SIPA1L3: variants seen among roughly 807,000 people sequenced by gnomAD.
SIPA1L3 encodes signal-induced proliferation-associated 1-like protein 3.
Under a neutral mutation model 150.1 loss-of-function variants are expected in SIPA1L3, and 59 were observed. The observed-to-expected ratio is 0.39, with a 90% CI of 0.32 to 0.49. The LOEUF is 0.49. SIPA1L3 is among the 20% of genes least tolerant of loss of function. SIPA1L3 has a pLI of 0.86. For missense variants in SIPA1L3, 2,211 were observed against 2,489.5 expected, an observed-to-expected ratio of 0.89 and a Z score of 2.38; for synonymous variants, 1,070 against 1,077.6, an observed-to-expected ratio of 0.99 and a Z score of 0.14.
intron 1 of SIPA1L3, among the ~76,000 whole-genome samples, chr19:37,982,540 A>G (rs1293944722): frequency 6.6e-6 from 1 of 152,198 alleles, no homozygotes. Flanking sequence ...TAGGTCCATT[A>G]CAGACATGGA....
chr19:38,117,597 C>G (rs1970915883), intron 8 of SIPA1L3, among the ~76,000 whole-genome samples: 1 of 150,672 alleles, frequency 6.6e-6, no homozygotes, highest in African/African-American at 2.5e-5. Context: ...CCAGCCTGAG[C>G]TACAGAGTGA....
intron 1 of SIPA1L3, among the ~76,000 whole-genome samples, chr19:37,953,908 C>G (rs2145558744): frequency 6.6e-6 from 1 of 152,146 alleles, no homozygotes; most frequent in East Asian, 1.9e-4. Flanking sequence ...AACATTTTTG[C>G]TTGCATCCTC....
intron 5 of SIPA1L3, 59 bp downstream of exon 5, chr19:38,100,209 T>TG: frequency 7.7e-7 from 1 of 1,303,806 alleles, no homozygotes; most frequent in Non-Finnish European, 1.0e-6. Flanking sequence ...ACCCCACTCC[T>TG]GGTAGCTTTT....
chr19:38,186,772 CCT>C (rs1276584847), intron 16 of SIPA1L3, among the ~76,000 whole-genome samples: 90 of 150,780 alleles, frequency 6.0e-4, no homozygotes, highest in African/African-American at 2.1e-3. Context: ...AGGTGGATCA[CCT>C]GAGGTCAGGA....
At chr19:37,974,296 G>A (rs1035422592) in intron 1 of SIPA1L3, among the ~76,000 whole-genome samples, 2 of 152,022 alleles carry the variant, frequency 1.3e-5, no homozygotes, top group African/African-American at 4.8e-5. Context: ...CGAGGCAGGA[G>A]GATTGCTTGA....
In SIPA1L3 at chr19:38,106,775, C is replaced by G. The variant is rs1970632609; in HGVS notation, c.2133+135C>G. 1.5e-5 allele frequency: 10 copies of G among 647,910 alleles called. No individual in the cohort carries two copies. The East Asian group carries it at 2.7e-4, about 18-fold the overall frequency. 40.1% of individuals were successfully genotyped at this position (647,910 alleles called of 1,614,324 possible). A position where few individuals can be genotyped will look rare whatever the true frequency, so the allele number is the denominator to read the frequency against. The stretch of plus-strand genomic sequence containing the variant: ...GGCCATCTTTACTATGGTCACTTTC[C>G]CTGGGGGTTAGAGAGCAGCCCAGGT... On this transcript the variant is annotated intron_variant, in intron 7 of 21. Coordinates refer to ENST00000222345, the MANE Select transcript of SIPA1L3 (RefSeq NM_015073.3).
intron 2 of SIPA1L3, among the ~76,000 whole-genome samples, chr19:38,052,982 G>T (rs756708956): frequency 6.6e-6 from 1 of 152,254 alleles, no homozygotes; most frequent in East Asian, 1.9e-4. Flanking sequence ...CCTGCATGAG[G>T]TACCAGCATC....
intron 1 of SIPA1L3, among the ~76,000 whole-genome samples, chr19:37,950,903 G>C (rs2046757929): frequency 6.6e-6 from 1 of 152,234 alleles, no homozygotes; most frequent in Non-Finnish European, 1.5e-5. Flanking sequence ...GCATCACCTG[G>C]GGAATCTTGG....
intron 8 of SIPA1L3, among the ~76,000 whole-genome samples, chr19:38,118,663 A>G (rs1177650928): frequency 6.6e-6 from 1 of 151,192 alleles, no homozygotes; most frequent in Non-Finnish European, 1.5e-5. Context: ...CCTCCCAAGT[A>G]GCTGGGACTA....
chr19:38,205,653 G>A (rs1051707487), intron 21 of SIPA1L3, among the ~76,000 whole-genome samples: 2 of 152,090 alleles, frequency 1.3e-5, no homozygotes, highest in African/African-American at 2.4e-5. Flanking sequence ...CGGGGGCTAC[G>A]TCCTCCTGGA....
At chr19:38,106,288 G>T (rs927506078) in intron 6 of SIPA1L3, 11 of 365,168 alleles carry the variant, frequency 3.0e-5, no homozygotes, top group Non-Finnish European at 5.1e-5. Context: ...TGTGCTTTTA[G>T]TAGAGACGGG....
At chr19:38,000,901 T>TATATATATGTA (rs1555775642) in intron 1 of SIPA1L3, among the ~76,000 whole-genome samples, 3 of 67,202 alleles carry the variant, frequency 4.5e-5, no homozygotes, top group African/African-American at 1.5e-4. Flanking sequence ...ATGTTATATA[T>TATATATATGTA]ATATATATAA....
At chr19:37,996,939 C>A (rs1489911650) in intron 1 of SIPA1L3, among the ~76,000 whole-genome samples, 2 of 151,958 alleles carry the variant, frequency 1.3e-5, no homozygotes, top group Admixed American at 1.3e-4. Context: ...TCAGGTGATC[C>A]ACCCGTCTCA....
chr19:37,910,886 GTGCCTGGCCTAT>G (rs1186923951), intron 1 of SIPA1L3, among the ~76,000 whole-genome samples: 1 of 152,156 alleles, frequency 6.6e-6, no homozygotes, highest in Non-Finnish European at 1.5e-5. Context: ...GTGAGCCACC[GTGCCTGGCCTAT>G]TGCTTCCTTT....
intron 15 of SIPA1L3, among the ~76,000 whole-genome samples, chr19:38,179,294 TA>T (rs1304742478): frequency 6.6e-6 from 1 of 152,092 alleles, no homozygotes; most frequent in Admixed American, 6.6e-5. Context: ...ATACAAAAAT[TA>T]GCTGGGCGTG....
chr19:38,077,682 T>C (rs1969876113), intron 2 of SIPA1L3, among the ~76,000 whole-genome samples: 1 of 128,342 alleles, frequency 7.8e-6, no homozygotes, highest in Non-Finnish European at 1.6e-5. Context: ...TTTTTTTTTT[T>C]TTTTTTGAGA....
intron 21 of SIPA1L3, among the ~76,000 whole-genome samples, chr19:38,204,898 C>T (rs979434945): frequency 2.6e-5 from 4 of 152,204 alleles, no homozygotes; most frequent in Non-Finnish European, 4.4e-5. Flanking sequence ...TTGGAGCCAG[C>T]GTGGCTGTCA....
intron 1 of SIPA1L3, among the ~76,000 whole-genome samples, chr19:38,025,155 G>A (rs1211968417): frequency 6.6e-6 from 1 of 152,192 alleles, no homozygotes; most frequent in Admixed American, 6.5e-5. Context: ...GGCCGTGCTT[G>A]GCTCACGTGT....
At chr19:38,194,304 C>T (rs1972872734) in intron 18 of SIPA1L3, among the ~76,000 whole-genome samples, 1 of 152,170 alleles carries the variant, frequency 6.6e-6, no homozygotes, top group South Asian at 2.1e-4. Flanking sequence ...GCATCAAAAG[C>T]CACGAGCCAG....
Sources: allele counts gnomAD v4.1 joint callset (sites outside exome capture counted in the v4.1 genomes callset), GRCh38; gene constraint gnomAD v4.1.1; transcripts MANE v1.5; gene names NCBI Gene and HGNC (gene_info 2026-07-23, HGNC 2026-07-21).